Variants in SPTSSA observed in about 807,000 individuals in gnomAD.
The protein encoded by SPTSSA is small subunit of serine palmitoyltransferase A.
A neutral mutation model predicts 9.1 loss-of-function variants in SPTSSA; 8 were observed. The observed-to-expected ratio is 0.88, with a 90% CI of 0.51 to 1.58. SPTSSA has a LOEUF of 1.58. Ranked by LOEUF, SPTSSA falls within the 40% of genes most tolerant of loss-of-function variation. The pLI is 0.00. For synonymous variants in SPTSSA, 42 were observed against 37.7 expected, an observed-to-expected ratio of 1.11 and a Z score of -0.41; for missense variants, 100 against 93.8, an observed-to-expected ratio of 1.07 and a Z score of -0.27.
intron 1 of SPTSSA, among the ~76,000 whole-genome samples, chr14:34,458,205 A>T (rs1310170683): frequency 6.6e-6 from 1 of 150,882 alleles, no homozygotes; most frequent in African/African-American, 2.4e-5. Context: ...TTCAATTGAG[A>T]TTTTTTTTTC....
intron 1 of SPTSSA, among the ~76,000 whole-genome samples, chr14:34,448,878 T>C (rs1194931781): frequency 6.6e-6 from 1 of 152,036 alleles, no homozygotes; most frequent in Non-Finnish European, 1.5e-5. Context: ...CACGCACCTG[T>C]AGTCCCAGCT....
rs376742613 is a variant in SPTSSA at position 34,443,134 on chromosome 14, G to GGTGTGT, written c.113-7836_113-7831dup. ...TTCAAGCGATTCTCCTGCTTCTAGG[G>GGTGTGT]GTGTGTGTGTGTGTGTGTGTGTGTG... On this transcript the variant is annotated intron_variant, in intron 1 of 1. Coordinates refer to ENST00000298130, the MANE Select transcript of SPTSSA (RefSeq NM_138288.4). Among the ~76,000 whole-genome samples the GGTGTGT allele has an allele frequency of 2.0e-3, 75 of 36,970 alleles. 3 individuals are homozygous for GGTGTGT. Among genetic ancestry groups the GGTGTGT allele is most frequent in the Non-Finnish European group, 2.4e-3 (55 of 22,604 alleles). The allele number at this position is 36,970 out of a possible 152,430, so 24.3% of individuals were successfully genotyped here. A position where few individuals can be genotyped will look rare whatever the true frequency, so the allele number is the denominator to read the frequency against.
intron 1 of SPTSSA, among the ~76,000 whole-genome samples, chr14:34,446,950 G>T (rs905038916): frequency 6.6e-6 from 1 of 152,084 alleles, no homozygotes; most frequent in African/African-American, 2.4e-5. Flanking sequence ...TCAGCTGGGC[G>T]CAGTGGCTCA....
chr14:34,444,388 C>T lies in SPTSSA; in HGVS notation c.113-9084G>A, dbSNP rs541628247. On this transcript the variant is annotated intron_variant, in intron 1 of 1. Transcript: ENST00000298130. Reference sequence around the variant, plus strand: ...CAAGGGACATGTAGCATTGGCCACACCCCTAGCTATGCTAGAAACAGTCAA... The same window carrying T: ...CAAGGGACATGTAGCATTGGCCACATCCCTAGCTATGCTAGAAACAGTCAA... 5.9e-4 allele frequency among the ~76,000 whole-genome samples: 89 copies of T among 151,520 alleles called. 1 individual carries two copies. Among genetic ancestry groups the T allele is most frequent in the Non-Finnish European group, 3.4e-4 (23 of 67,816 alleles).
intron 1 of SPTSSA, among the ~76,000 whole-genome samples, chr14:34,442,117 C>T (rs540986270): frequency 1.0e-3 from 155 of 152,212 alleles, no homozygotes; most frequent in South Asian, 6.6e-3. Context: ...CTCAGGCAAT[C>T]CCCCCGCCTC....
At chr14:34,457,987 A>G (rs1165843901) in intron 1 of SPTSSA, among the ~76,000 whole-genome samples, 38 of 149,350 alleles carry the variant, frequency 2.5e-4, no homozygotes, top group African/African-American at 7.8e-4. Flanking sequence ...AAAAAAAAAA[A>G]AAACAAAGAA....
chr14:34,451,717 CAAAAAAAA>C (rs35096900), intron 1 of SPTSSA, among the ~76,000 whole-genome samples: 67 of 77,182 alleles, frequency 8.7e-4, no homozygotes, highest in East Asian at 1.4e-3. Flanking sequence ...GACTCTGTTT[CAAAAAAAA>C]AAAAAAAAAA....
chr14:34,460,133 A>G (rs1162635511), intron 1 of SPTSSA, among the ~76,000 whole-genome samples: 1 of 152,242 alleles, frequency 6.6e-6, no homozygotes, highest in Admixed American at 6.5e-5. Flanking sequence ...TTGATGTTCC[A>G]AACTATCAGA....
At chr14:34,450,836 G>A (rs566542462) in intron 1 of SPTSSA, among the ~76,000 whole-genome samples, 51 of 152,230 alleles carry the variant, frequency 3.4e-4, no homozygotes, top group African/African-American at 1.2e-3. Flanking sequence ...GTTTGTTCAA[G>A]GGCTGAATGA....
intron 1 of SPTSSA, among the ~76,000 whole-genome samples, chr14:34,456,078 CT>C (rs1380067081): frequency 1.3e-5 from 2 of 152,050 alleles, no homozygotes; most frequent in East Asian, 3.9e-4. Flanking sequence ...AATCCCAGCA[CT>C]TTGGGAGGCG....
chr14:34,451,393 A>G (rs1359712154), intron 1 of SPTSSA, among the ~76,000 whole-genome samples: 1 of 152,240 alleles, frequency 6.6e-6, no homozygotes, highest in South Asian at 2.1e-4. Flanking sequence ...CAACATTTAA[A>G]GCAATCCAAT....
At position 34,458,868 on chromosome 14, in the gene SPTSSA, G is replaced by A. The variant is rs552846411; in HGVS notation, c.112+3228C>T. On this transcript the variant is annotated intron_variant, in intron 1 of 1. Coordinates refer to ENST00000298130, the MANE Select transcript of SPTSSA (RefSeq NM_138288.4). ...CTCAAGGATGCCCCTGGAAAGTACA[G>A]TGATAGTACGTTATCAATTTCCCCT... is the stretch of plus-strand genomic sequence containing the variant. Among the ~76,000 whole-genome samples, 11 of 150,472 alleles carry A rather than the reference G, an allele frequency of 7.3e-5. No homozygotes were observed. The South Asian group carries it at 1.7e-3, about 23-fold the overall frequency.
chr14:34,448,116 A>T (rs1349042132), intron 1 of SPTSSA, among the ~76,000 whole-genome samples: 3 of 152,210 alleles, frequency 2.0e-5, no homozygotes, highest in African/African-American at 7.2e-5. Context: ...TTAGCTGGGC[A>T]TGGTGGTGGG....
intron 1 of SPTSSA, among the ~76,000 whole-genome samples, chr14:34,454,308 A>G (rs2138832663): frequency 6.6e-6 from 1 of 152,296 alleles, no homozygotes; most frequent in Middle Eastern, 3.4e-3. Context: ...CTACTCACAA[A>G]TCACTAGAAT....
chr14:34,436,127 A>G (rs1024124041), intron 1 of SPTSSA, among the ~76,000 whole-genome samples: 21 of 152,238 alleles, frequency 1.4e-4, no homozygotes, highest in Admixed American at 1.0e-3. Context: ...TCAATCATAC[A>G]CTAGCTTAGG....
chr14:34,462,061 GC>G lies in SPTSSA; in HGVS notation c.112+34del, dbSNP rs928261864. The G allele has an allele frequency of 1.6e-5, 21 of 1,316,274 alleles. No homozygotes were observed. In the African/African-American group the frequency reaches 3.3e-4, roughly 21 times the overall value. The allele number at this position is 1,316,274 out of a possible 1,614,324, so 81.5% of individuals were successfully genotyped here. ...TGCGGCCCCGCGGCCCGCGCCCCCA[GC>G]CCGGCCCCCGCGCGCGCGGCCGGGA... On this transcript the variant is annotated intron_variant, in intron 1 of 1. Coordinates refer to ENST00000298130, the MANE Select transcript of SPTSSA (RefSeq NM_138288.4).
intron 1 of SPTSSA, among the ~76,000 whole-genome samples, chr14:34,436,776 G>A (rs1883247730): frequency 6.6e-6 from 1 of 152,042 alleles, no homozygotes; most frequent in Non-Finnish European, 1.5e-5. Context: ...TAGAGCCAGA[G>A]GTCAAACCAA....
At chr14:34,457,971 G>GAAAAAAAAAAAAAAAAAAACAAAA (rs1878518901) in intron 1 of SPTSSA, among the ~76,000 whole-genome samples, 1 of 54,718 alleles carries the variant, frequency 1.8e-5, no homozygotes, top group Non-Finnish European at 3.2e-5. Flanking sequence ...GACTGTCTCG[G>GAAAAAAAAAAAAAAAAAAACAAAA]AAAAAAAAAA....
chr14:34,444,508 C>T (rs1190017985), intron 1 of SPTSSA, among the ~76,000 whole-genome samples: 2 of 152,092 alleles, frequency 1.3e-5, no homozygotes, highest in Non-Finnish European at 2.9e-5. Context: ...AATCCCAGCA[C>T]TTTGGGAGGC....
Sources: gnomAD v4.1 joint callset for allele counts (sites outside exome capture counted in the v4.1 genomes callset) on GRCh38, gnomAD v4.1.1 for gene constraint, MANE v1.5 for transcripts, NCBI Gene and HGNC (gene_info 2026-07-23, HGNC 2026-07-21) for gene names.